Variants in ROBO1 observed in about 807,000 individuals in gnomAD.
ROBO1 encodes the protein roundabout homolog 1.
ROBO1 carries 149 observed loss-of-function variants against 195.9 expected under a neutral mutation model. The ratio of observed to expected loss-of-function variants is 0.76; its 90% CI spans 0.67 to 0.87. The LOEUF (loss-of-function observed/expected upper bound fraction) is 0.87, where lower values mean the gene tolerates loss of function less well. Ranked by LOEUF, ROBO1 falls within the 40% of genes least tolerant of loss-of-function variation. ROBO1 has a pLI of 0.00. For synonymous variants in ROBO1, 816 were observed against 733.2 expected (o/e 1.11, Z -1.82); for missense variants, 1,933 against 2,068.3 (o/e 0.93, Z 1.27).
chr3:79,717,745 C>T (rs1702546973), intron 1 of ROBO1, among the ~76,000 whole-genome samples: 1 of 151,836 alleles, frequency 6.6e-6, no homozygotes, highest in Non-Finnish European at 1.5e-5. Flanking sequence ...ACTTACAGTG[C>T]TATTCTGAAA....
At chr3:79,484,647 G>A (rs965056712) in intron 2 of ROBO1, among the ~76,000 whole-genome samples, 6 of 151,720 alleles carry the variant, frequency 4.0e-5, no homozygotes, top group Non-Finnish European at 5.9e-5. Flanking sequence ...TAATATGCAC[G>A]TGATAGTTCT....
intron 1 of ROBO1, among the ~76,000 whole-genome samples, chr3:79,686,682 G>A (rs1459650245): frequency 6.6e-6 from 1 of 152,098 alleles, no homozygotes; most frequent in Non-Finnish European, 1.5e-5. Context: ...ACCTCTTCAA[G>A]GAGAACTACA....
rs185274160 is a variant in ROBO1 at position 79,288,060 on chromosome 3, C to T, written c.89-162521G>A. On this transcript the variant is annotated intron_variant, in intron 2 of 30. Coordinates refer to ENST00000464233, the MANE Select transcript of ROBO1 (RefSeq NM_002941.4). ...GATTCAGTTAACTCTCTATGACAAA[C>T]TAAAATAACCAAATTTATTTTTAAG... is the stretch of plus-strand genomic sequence containing the variant. Among the ~76,000 whole-genome samples the T allele has an allele frequency of 2.8e-3, 426 of 152,174 alleles. 3 individuals are homozygous for T. Among genetic ancestry groups the T allele is most frequent in the African/African-American group, 8.8e-3 (364 of 41,538 alleles).
At chr3:78,612,996 G>A (rs1274152137) in intron 28 of ROBO1, among the ~76,000 whole-genome samples, 1 of 152,056 alleles carries the variant, frequency 6.6e-6, no homozygotes, top group Non-Finnish European at 1.5e-5. Flanking sequence ...ATTATTCAGG[G>A]ATTAGTTAGA....
chr3:78,793,258 T>G (rs2084080645), intron 4 of ROBO1, among the ~76,000 whole-genome samples: 1 of 152,174 alleles, frequency 6.6e-6, no homozygotes, highest in Admixed American at 6.5e-5. Context: ...ACGAGTTCAT[T>G]AAATCTCAAA....
intron 2 of ROBO1, among the ~76,000 whole-genome samples, chr3:79,309,187 A>G (rs985790273): frequency 1.3e-5 from 2 of 152,228 alleles, no homozygotes; most frequent in Non-Finnish European, 1.5e-5. Context: ...TGTGCCAGGA[A>G]GGATGAAGGG....
Position 78,707,060 on chromosome 3 carries a change from AC to A in ROBO1, c.1045+7336del, listed in dbSNP as rs538179089. On this transcript the variant is annotated intron_variant, in intron 8 of 30. Coordinates refer to ENST00000464233, the MANE Select transcript of ROBO1 (RefSeq NM_002941.4). ...AGCAGAAACTTAAAGACTCAGACAA[AC>A]CTCTGACAGCTGCTTCTTGTTTTAC... 2.1e-3 allele frequency among the ~76,000 whole-genome samples: 327 copies of A among 152,298 alleles called. 1 individual carries two copies. Among genetic ancestry groups the A allele is most frequent in the African/African-American group, 7.3e-3 (302 of 41,570 alleles).
intron 2 of ROBO1, among the ~76,000 whole-genome samples, chr3:79,316,476 A>G (rs2033742079): frequency 6.6e-6 from 1 of 152,172 alleles, no homozygotes; most frequent in Admixed American, 6.5e-5. Flanking sequence ...TTAAAATTTC[A>G]TCTTTAATTA....
At chr3:79,453,702 G>A (rs1352824791) in intron 2 of ROBO1, among the ~76,000 whole-genome samples, 1 of 152,028 alleles carries the variant, frequency 6.6e-6, no homozygotes, top group Non-Finnish European at 1.5e-5. Flanking sequence ...ATGAGATGTT[G>A]TTTGACTAGA....
chr3:79,175,468 T>C (rs1325256054), intron 2 of ROBO1, among the ~76,000 whole-genome samples: 1 of 152,222 alleles, frequency 6.6e-6, no homozygotes, highest in African/African-American at 2.4e-5. Flanking sequence ...AATCATAATT[T>C]ATCTACTTGG....
chr3:79,053,851 A>G (rs771652426), intron 3 of ROBO1, among the ~76,000 whole-genome samples: 57 of 152,238 alleles, frequency 3.7e-4, no homozygotes, highest in Non-Finnish European at 6.3e-4. Flanking sequence ...GTGTGGGCTT[A>G]TCCGGTCATG....
intron 2 of ROBO1, among the ~76,000 whole-genome samples, chr3:79,422,326 T>C (rs2106944568): frequency 6.6e-6 from 1 of 152,020 alleles, no homozygotes; most frequent in Non-Finnish European, 1.5e-5. Context: ...ATGTGTCAGC[T>C]CCTTGCCACC....
intron 2 of ROBO1, among the ~76,000 whole-genome samples, chr3:79,469,006 A>C (rs968173872): frequency 3.9e-5 from 6 of 152,200 alleles, no homozygotes; most frequent in Admixed American, 3.9e-4. Context: ...TGTATTTGGC[A>C]CTCAGCAAGT....
At chr3:79,479,015 T>C (rs1358440782) in intron 2 of ROBO1, among the ~76,000 whole-genome samples, 1 of 152,226 alleles carries the variant, frequency 6.6e-6, no homozygotes, top group African/African-American at 2.4e-5. Context: ...TAGAGGTACA[T>C]CAGGAAAGAA....
chr3:79,118,089 T>C (rs1484506839), intron 3 of ROBO1, among the ~76,000 whole-genome samples: 1 of 152,206 alleles, frequency 6.6e-6, no homozygotes, highest in African/African-American at 2.4e-5. Context: ...AGCATCATGA[T>C]ATCGGCATGT....
chr3:79,225,433 T>TC (rs2082210167), intron 2 of ROBO1, among the ~76,000 whole-genome samples: 2 of 152,122 alleles, frequency 1.3e-5, no homozygotes, highest in Non-Finnish European at 2.9e-5. Context: ...GTCCTATAAT[T>TC]CTCCCCACTT....
intron 2 of ROBO1, among the ~76,000 whole-genome samples, chr3:79,169,333 G>A (rs939315727): frequency 4.6e-5 from 7 of 151,966 alleles, no homozygotes; most frequent in Non-Finnish European, 8.8e-5. Context: ...ATTTCTTGTC[G>A]TTTTTTTCTT....
chr3:78,837,105 CAATT>C (rs975378330), intron 4 of ROBO1, among the ~76,000 whole-genome samples: 1 of 152,056 alleles, frequency 6.6e-6, no homozygotes, highest in African/African-American at 2.4e-5. Flanking sequence ...ACTTTTAAAT[CAATT>C]AATAAATGAC....
chr3:79,154,538 A>G (rs1201683033), intron 2 of ROBO1, among the ~76,000 whole-genome samples: 1 of 151,718 alleles, frequency 6.6e-6, no homozygotes, highest in Admixed American at 6.6e-5. Flanking sequence ...CTCACATTTA[A>G]CCTTTGCAAA....
Sources: gnomAD v4.1 joint callset for allele counts (sites outside exome capture counted in the v4.1 genomes callset) on GRCh38, gnomAD v4.1.1 for gene constraint, MANE v1.5 for transcripts, NCBI Gene and HGNC (gene_info 2026-07-23, HGNC 2026-07-21) for gene names.